SNX29: variants seen among roughly 807,000 people sequenced by gnomAD.
The protein encoded by SNX29 is sorting nexin-29.
In SNX29, 78 loss-of-function variants were observed where a neutral mutation model predicts 102.1. The ratio of observed to expected loss-of-function variants is 0.76; its 90% CI spans 0.64 to 0.92. The LOEUF is 0.92. Ranked by LOEUF, SNX29 falls within the 40% of genes least tolerant of loss-of-function variation. The pLI is 0.00. For missense variants in SNX29, 1,280 were observed against 1,061.7 expected, an observed-to-expected ratio of 1.21 and a Z score of -2.86; for synonymous variants, 580 against 414.5, an observed-to-expected ratio of 1.40 and a Z score of -4.85.
chr16:12,242,361 A>G (rs1010892355), intron 14 of SNX29, among the ~76,000 whole-genome samples: 1 of 132,548 alleles, frequency 7.5e-6, no homozygotes, highest in Non-Finnish European at 1.6e-5. Flanking sequence ...TAATATATAT[A>G]TATATATTTT....
chr16:12,572,628 A>G lies in SNX29; in HGVS notation c.*3999A>G. 9.4e-7 allele frequency: 1 copy of G among 1,063,794 alleles called. No homozygotes were observed. The highest frequency in any genetic ancestry group is 4.2e-4 in the Middle Eastern group (1 of 2,394). The allele number at this position is 1,063,794 out of a possible 1,614,324, so 65.9% of individuals were successfully genotyped here. ...TCCCCTCCGGCTACCCCCAGAATCC[A>G]TCCTTCATTCCTCCACCAAGCTCCT... On this transcript the variant is annotated 3_prime_UTR_variant, in exon 21 of 21. Transcript: ENST00000566228.
chr16:12,231,324 C>T (rs1208517268), intron 14 of SNX29, among the ~76,000 whole-genome samples: 2 of 152,098 alleles, frequency 1.3e-5, no homozygotes, highest in African/African-American at 4.8e-5. Context: ...AAGTATTTTC[C>T]CTCTCTGTAG....
chr16:12,163,770 G>A (rs532091036), intron 13 of SNX29, among the ~76,000 whole-genome samples: 1 of 152,230 alleles, frequency 6.6e-6, no homozygotes, highest in Admixed American at 6.5e-5. Flanking sequence ...CACATCCTGC[G>A]GTCTCTGTTG....
intron 13 of SNX29, among the ~76,000 whole-genome samples, chr16:12,150,490 G>A (rs963017432): frequency 3.9e-5 from 6 of 152,234 alleles, no homozygotes; most frequent in Non-Finnish European, 5.9e-5. Flanking sequence ...CAGCACTGGC[G>A]TCTTCAGTGA....
At chr16:12,108,458 GT>G (rs2053359930) in intron 11 of SNX29, among the ~76,000 whole-genome samples, 1 of 152,242 alleles carries the variant, frequency 6.6e-6, no homozygotes, top group African/African-American at 2.4e-5. Context: ...CTGGAGGCTG[GT>G]TCTGGCTCCA....
At chr16:12,375,092 A>G (rs1444323970) in intron 16 of SNX29, 5 of 152,300 alleles carry the variant, frequency 3.3e-5, no homozygotes, top group East Asian at 1.9e-4. Flanking sequence ...TTATTCAGCA[A>G]CAGTGCAAGT....
chr16:12,223,857 G>A (rs528136820), intron 14 of SNX29, among the ~76,000 whole-genome samples: 50 of 152,336 alleles, frequency 3.3e-4, no homozygotes, highest in African/African-American at 1.2e-3. Flanking sequence ...GCATTTCATG[G>A]CCAGTGGCTC....
chr16:12,196,851 C>T (rs1383201047), intron 13 of SNX29, among the ~76,000 whole-genome samples: 1 of 152,114 alleles, frequency 6.6e-6, no homozygotes, highest in Non-Finnish European at 1.5e-5. Flanking sequence ...AAACTCTTGG[C>T]CTCACGTGAT....
intron 15 of SNX29, among the ~76,000 whole-genome samples, chr16:12,344,230 G>T (rs2081704767): frequency 6.6e-6 from 1 of 152,172 alleles, no homozygotes; most frequent in Non-Finnish European, 1.5e-5. Context: ...TTTGTCAGCA[G>T]CATGAGAACA....
At chr16:12,546,492 G>T (rs887736138) in intron 20 of SNX29, 1 of 152,158 alleles carries the variant, frequency 6.6e-6, no homozygotes, top group African/African-American at 2.4e-5. Context: ...AACAGCACAG[G>T]AAAGACTCGC....
intron 19 of SNX29, among the ~76,000 whole-genome samples, chr16:12,504,068 G>C (rs1240183477): frequency 6.6e-6 from 1 of 151,974 alleles, no homozygotes; most frequent in Non-Finnish European, 1.5e-5. Flanking sequence ...CCAAACCCCA[G>C]ACCTCAGCCC....
intron 11 of SNX29, among the ~76,000 whole-genome samples, chr16:12,110,433 G>T (rs1222966056): frequency 6.6e-6 from 1 of 152,114 alleles, no homozygotes; most frequent in African/African-American, 2.4e-5. Flanking sequence ...GTTTTGCACA[G>T]ATGACTCAGA....
intron 4 of SNX29, among the ~76,000 whole-genome samples, chr16:12,034,656 T>A (rs1048494619): frequency 4.6e-5 from 7 of 152,114 alleles, no homozygotes; most frequent in Admixed American, 2.6e-4. Context: ...CATGTTAAGA[T>A]CTAGTGGAGC....
chr16:12,111,502 A>G (rs768363817), intron 11 of SNX29, among the ~76,000 whole-genome samples: 1 of 152,086 alleles, frequency 6.6e-6, no homozygotes, highest in African/African-American at 2.4e-5. Flanking sequence ...GCAGGAGTCC[A>G]CTTAGCAGAC....
chr16:12,038,337 G>C (rs974221368), intron 4 of SNX29, among the ~76,000 whole-genome samples: 5 of 152,136 alleles, frequency 3.3e-5, no homozygotes, highest in Admixed American at 3.3e-4. Flanking sequence ...GATAGTTAAG[G>C]CTTGATAGAA....
chr16:12,016,508 G>T (rs1237393368), intron 3 of SNX29, among the ~76,000 whole-genome samples: 1 of 152,240 alleles, frequency 6.6e-6, no homozygotes. Flanking sequence ...TTTATCTAGA[G>T]CGGCTGTACC....
At chr16:12,168,783 C>T (rs1194086218) in intron 13 of SNX29, among the ~76,000 whole-genome samples, 1 of 152,206 alleles carries the variant, frequency 6.6e-6, no homozygotes, top group Non-Finnish European at 1.5e-5. Flanking sequence ...TCTATCAACG[C>T]ATTCTGGTAG....
At chr16:12,562,737 T>C (rs2141495162) in intron 20 of SNX29, among the ~76,000 whole-genome samples, 1 of 152,348 alleles carries the variant, frequency 6.6e-6, no homozygotes, top group East Asian at 1.9e-4. Context: ...CTCGCTTTTA[T>C]GGCATAGTTC....
intron 19 of SNX29, among the ~76,000 whole-genome samples, chr16:12,492,274 TG>T (rs1459713666): frequency 6.6e-6 from 1 of 152,242 alleles, no homozygotes; most frequent in Non-Finnish European, 1.5e-5. Flanking sequence ...ATTTCTCTCA[TG>T]GCCAGTGATG....
Sources: gnomAD v4.1 joint callset for allele counts (sites outside exome capture counted in the v4.1 genomes callset) on GRCh38, gnomAD v4.1.1 for gene constraint, MANE v1.5 for transcripts, NCBI Gene and HGNC (gene_info 2026-07-23, HGNC 2026-07-21) for gene names.